The following TCERG1 variants were observed in gnomAD, a reference collection of about 807,000 sequenced individuals.
TCERG1 encodes the protein TATA box binding protein (TBP)-associated factor, RNA polymerase II, S, 150kD.
In TCERG1, 37 loss-of-function variants were observed where a neutral mutation model predicts 144.7. The observed-to-expected ratio is 0.26, with a 90% CI of 0.20 to 0.34. The LOEUF (loss-of-function observed/expected upper bound fraction) is 0.34. TCERG1 is among the 10% of genes least tolerant of loss of function. TCERG1 has a pLI of 1.00. For missense variants in TCERG1, 1,027 were observed against 1,380.7 expected, an observed-to-expected ratio of 0.74 and a Z score of 4.06; for synonymous variants, 492 against 458.2, an observed-to-expected ratio of 1.07 and a Z score of -0.94.
intron 8 of TCERG1, among the ~76,000 whole-genome samples, 173 bp downstream of exon 8, chr5:146,470,921 A>T (rs927450443): frequency 2.0e-5 from 3 of 152,208 alleles, no homozygotes; most frequent in African/African-American, 7.2e-5. Context: ...GTGTCATTAA[A>T]TTACTTCTTG....
intron 1 of TCERG1, among the ~76,000 whole-genome samples, chr5:146,454,439 C>G (rs757312524): frequency 6.0e-5 from 9 of 151,098 alleles, no homozygotes; most frequent in Non-Finnish European, 1.2e-4. Context: ...TTTTTTCATC[C>G]TTTCTTGCAA....
At position 146,496,507 on chromosome 5, in the gene TCERG1, A is replaced by C. The variant is rs79267090; in HGVS notation, c.2283-2029A>C. Among the ~76,000 whole-genome samples the C allele has an allele frequency of 9.9e-3, 1,509 of 151,766 alleles. 12 individuals are homozygous for C. The highest frequency in any genetic ancestry group is 0.035 in the African/African-American group (1,437 of 41,348). ...TAATTGACTCCTTATTCAATTGTCA[A>C]CTCTCATGTTAATCCTATCCAGTTA... On this transcript the variant is annotated intron_variant, in intron 16 of 22. Transcript: ENST00000679501.
At chr5:146,482,490 G>T in intron 13 of TCERG1, 102 bp from the exon 14 acceptor site, 1 of 1,200,826 alleles carries the variant, frequency 8.3e-7, no homozygotes, top group Non-Finnish European at 1.1e-6. Flanking sequence ...AAAATATGCT[G>T]CTCAGTAGTG....
At chr5:146,485,697 G>A (rs565020233) in intron 15 of TCERG1, among the ~76,000 whole-genome samples, 5 of 152,098 alleles carry the variant, frequency 3.3e-5, no homozygotes, top group Admixed American at 6.5e-5. Context: ...TTTATTTTAT[G>A]CATCTATTTA....
intron 1 of TCERG1, among the ~76,000 whole-genome samples, chr5:146,454,313 C>T (rs775799657): frequency 6.6e-6 from 1 of 152,066 alleles, no homozygotes; most frequent in Non-Finnish European, 1.5e-5. Context: ...TAGGTGATGT[C>T]GTGTCTCTCT....
At chr5:146,460,034 G>A (rs764508771) in intron 4 of TCERG1, among the ~76,000 whole-genome samples, 10 of 152,054 alleles carry the variant, frequency 6.6e-5, no homozygotes, top group Non-Finnish European at 1.0e-4. Context: ...TTGGTTTTTT[G>A]GGTGGTGATG....
Position 146,503,538 on chromosome 5 carries a change from A to G in TCERG1, c.2597A>G (p.Lys866Arg), listed in dbSNP as rs149552305. 3 of 1,613,502 alleles carry G rather than the reference A, an allele frequency of 1.9e-6. No individual in the cohort carries two copies. Among genetic ancestry groups the G allele is most frequent in the Non-Finnish European group, 2.5e-6 (3 of 1,179,754 alleles). ...AAACAGTACATTGAAAAAATAGCCAAGGTAACTGTTGTGTTTACTTGTATT... is the reference window on the plus strand; with the variant it reads ...AAACAGTACATTGAAAAAATAGCCAGGGTAACTGTTGTGTTTACTTGTATT... ...LFKQYIEKIA[K>R]NLDSEKEKEL... Residue 866 changes from lysine to arginine, a missense_variant and splice_region_variant, in exon 18 of 23, where the codon AAG (lysine) becomes AGG (arginine). This residue lies in a region of TCERG1 where 482 missense variants were observed against 632.6 expected (regional missense o/e 0.76). Transcript: ENST00000679501.
chr5:146,469,613 C>A lies in TCERG1; in HGVS notation c.1268C>A (p.Pro423His). 6.2e-7 allele frequency: 1 copy of A among 1,613,572 alleles called. No individual in the cohort carries two copies. Among genetic ancestry groups the A allele is most frequent in the Non-Finnish European group, 8.5e-7 (1 of 1,179,704 alleles). Residue 423 changes from proline to histidine, a missense_variant, in exon 7 of 23, where the codon CCT becomes CAT. Physicochemically the swap from Pro to His is moderately conservative, Grantham distance 77 (BLOSUM62 -2). This residue lies in a region of TCERG1 where 482 missense variants were observed against 632.6 expected (regional missense o/e 0.76). Transcript: ENST00000679501. ...CCCCAGGTTGCTATTGCAGCTTCACCTGCTACCTTAGCTGGAGCAACAGCA... is the reference window on the plus strand; with the variant it reads ...CCCCAGGTTGCTATTGCAGCTTCACATGCTACCTTAGCTGGAGCAACAGCA... The part of the protein sequence containing the change: ...IHPQVAIAAS[P>H]ATLAGATAVS...
At chr5:146,494,924 C>T (rs1029368446) in intron 16 of TCERG1, among the ~76,000 whole-genome samples, 2 of 152,036 alleles carry the variant, frequency 1.3e-5, no homozygotes, top group Admixed American at 6.6e-5. Flanking sequence ...ATTTTTTATC[C>T]TGTTTGTTTT....
At chr5:146,463,454 C>T in intron 4 of TCERG1, 97 bp from the exon 5 acceptor site, 2 of 1,554,016 alleles carry the variant, frequency 1.3e-6, no homozygotes, top group Non-Finnish European at 1.7e-6. Flanking sequence ...AGAATGGTCC[C>T]TTAAATACTT....
At chr5:146,510,392 A>T in intron 22 of TCERG1, 49 bp from the exon 23 acceptor site, 1 of 1,342,736 alleles carries the variant, frequency 7.4e-7, no homozygotes, top group Non-Finnish European at 1.1e-6. Context: ...TTTCTGAAAG[A>T]CCTGTGAACA....
intron 16 of TCERG1, 22 bp downstream of exon 16, chr5:146,493,060 AAT>A: frequency 6.9e-7 from 1 of 1,449,878 alleles, no homozygotes; most frequent in Non-Finnish European, 9.5e-7. Flanking sequence ...GTTTCTCTTA[AAT>A]ATCAAAGTGT....
intron 14 of TCERG1, 100 bp downstream of exon 14, chr5:146,482,827 G>C: frequency 1.5e-6 from 2 of 1,352,762 alleles, no homozygotes; most frequent in Admixed American, 2.8e-5. Context: ...TCATGTTATG[G>C]GGGGGGATAA....
At chr5:146,500,502 G>T (rs981057189) in intron 17 of TCERG1, among the ~76,000 whole-genome samples, 1 of 152,152 alleles carries the variant, frequency 6.6e-6, no homozygotes. Context: ...TAATTCTCCA[G>T]CTGGTCTTTG....
intron 16 of TCERG1, among the ~76,000 whole-genome samples, chr5:146,494,301 A>G (rs530301490): frequency 6.6e-6 from 1 of 152,270 alleles, no homozygotes; most frequent in East Asian, 1.9e-4. Flanking sequence ...CAGGAGTTGC[A>G]TGTTGAAATA....
intron 9 of TCERG1, among the ~76,000 whole-genome samples, chr5:146,474,710 A>G (rs1039621882): frequency 2.6e-5 from 4 of 152,206 alleles, no homozygotes. Context: ...CCATCAAGAG[A>G]TTGAGGCAAG....
chr5:146,503,866 C>A lies in TCERG1; in HGVS notation c.2641C>A (p.Arg881Ser). Residue 881 changes from arginine (R) to serine (S), a missense_variant, in exon 19 of 23, where the codon CGC becomes AGC. Arg to Ser is a moderately radical substitution (Grantham distance 110, BLOSUM62 -1). This residue lies in a region of TCERG1 where 482 missense variants were observed against 632.6 expected (regional missense o/e 0.76). Transcript: ENST00000679501. ...AGAAAAGGAGCTTGAAAGGCAAGCC[C>A]GCATTGAGGCAAGCCTTCGAGAACG... ...EKEKELERQA[R>S]IEASLRERER... is the part of the protein sequence containing the mutation. 6.2e-7 allele frequency: 1 copy of A among 1,607,952 alleles called. No individual in the cohort carries two copies. The highest frequency in any genetic ancestry group is 8.5e-7 in the Non-Finnish European group (1 of 1,178,046).
chr5:146,454,573 T>C (rs1762659201), intron 1 of TCERG1, among the ~76,000 whole-genome samples: 1 of 152,136 alleles, frequency 6.6e-6, no homozygotes, highest in South Asian at 2.1e-4. Flanking sequence ...ATGTAAGTTT[T>C]TTTTTTTGTT....
chr5:146,471,879 G>C (rs1764347163), intron 9 of TCERG1, among the ~76,000 whole-genome samples: 1 of 152,144 alleles, frequency 6.6e-6, no homozygotes, highest in Non-Finnish European at 1.5e-5. Context: ...TTACAGGTGT[G>C]AGCCACCGTG....
Sources: gnomAD v4.1 joint callset for allele counts (sites outside exome capture counted in the v4.1 genomes callset) on GRCh38, gnomAD v4.1.1 for gene constraint, gnomAD v4.1.1 regional missense constraint, MANE v1.5 for transcripts, NCBI Gene and HGNC (gene_info 2026-07-23, HGNC 2026-07-21) for gene names.